CHRNB4: variants seen among roughly 807,000 people sequenced by gnomAD.
The protein encoded by CHRNB4 is cholinergic receptor nicotinic beta 4 subunit, also known as neuronal acetylcholine receptor subunit beta-4.
In CHRNB4, 23 loss-of-function variants were observed where a neutral mutation model predicts 40.4. The observed-to-expected ratio is 0.57, with a 90% CI of 0.41 to 0.81. The LOEUF (loss-of-function observed/expected upper bound fraction) is 0.81. CHRNB4 is among the 30% of genes least tolerant of loss of function. CHRNB4 has a pLI of 0.00. For synonymous variants in CHRNB4, 285 were observed against 274.4 expected (o/e 1.04, Z -0.38); for missense variants, 568 against 670.6 (o/e 0.85, Z 1.69).
At chr15:78,641,335 C>T (rs548094528), upstream of CHRNB4, 64 of 491,744 alleles carry the variant, frequency 1.3e-4, no homozygotes, top group South Asian at 2.0e-3. Flanking sequence ...CCGACGCCCC[C>T]TGGGTGGTCT....
rs533075094 is a variant in CHRNB4 at position 78,637,826 on chromosome 15, C to G, written c.56-2239G>C. On this transcript the variant is annotated intron_variant, in intron 1 of 5. Transcript: ENST00000261751. ...GCACCTGCTGCCTGCTGCCCCTCCC[C>G]CAGGCTGCCCTGGGCTCTCCAGAGG... Among the ~76,000 whole-genome samples the G allele has an allele frequency of 1.2e-3, 178 of 152,296 alleles. 1 individual carries two copies. Among genetic ancestry groups the G allele is most frequent in the African/African-American group, 4.2e-3 (173 of 41,582 alleles).
exon 3 of CHRNB4, chr15:78,657,371 A>G (rs2054223251): frequency 6.6e-6 from 1 of 152,186 alleles, no homozygotes; most frequent in Non-Finnish European, 1.5e-5. Context: ...CTCCTCCACC[A>G]GCTGCACAAC....
At chr15:78,632,173 CTTTCTTTCTTTCTTTCTTTCTTT>C (rs1567119366) in intron 2 of CHRNB4, among the ~76,000 whole-genome samples, 13 of 7,664 alleles carry the variant, frequency 1.7e-3, no homozygotes, top group African/African-American at 4.1e-3. Context: ...TTTTCTTTCT[CTTTCTTTCTTTCTTTCTTTCTTT>C]CTTTCTTTCT....
intron 1 of CHRNB4, among the ~76,000 whole-genome samples, chr15:78,660,206 T>A (rs199910930): frequency 3.5e-5 from 5 of 143,672 alleles, no homozygotes; most frequent in Admixed American, 6.9e-5. Context: ...GACTCCGTCT[T>A]AAAAAAAAAA....
chr15:78,657,371 A>ACAACACCT (rs2054223277), exon 3 of CHRNB4: 1 of 152,186 alleles, frequency 6.6e-6, no homozygotes, highest in South Asian at 2.1e-4. Context: ...CTCCTCCACC[A>ACAACACCT]GCTGCACAAC....
chr15:78,635,374 C>T, intron 2 of CHRNB4, 65 bp downstream of exon 2: 2 of 1,581,158 alleles, frequency 1.3e-6, no homozygotes, highest in Non-Finnish European at 1.7e-6. Context: ...CCAATGATCG[C>T]CTGGGGCTTG....
At chr15:78,634,596 A>T (rs1596109505) in intron 2 of CHRNB4, 1 of 413,520 alleles carries the variant, frequency 2.4e-6, no homozygotes, top group Non-Finnish European at 4.9e-6. Flanking sequence ...CTAGAGAGAG[A>T]GTCTGGCATT....
chr15:78,628,197 T>G (rs1488123530), intron 5 of CHRNB4: 1 of 152,166 alleles, frequency 6.6e-6, no homozygotes, highest in South Asian at 2.1e-4. Flanking sequence ...AATCTGTAAT[T>G]CTAGTTAGCA....
chr15:78,625,385 C>CGCCTGTGGCCTGTGG, intron 5 of CHRNB4, 94 bp from the exon 6 acceptor site: 1 of 1,220,062 alleles, frequency 8.2e-7, no homozygotes, highest in Non-Finnish European at 1.1e-6. Context: ...AGGGACTCCA[C>CGCCTGTGGCCTGTGG]AGGCCACAGG....
At position 78,631,090 on chromosome 15, in the gene CHRNB4, G is replaced by A. The variant is rs141056480; in HGVS notation, c.345C>T (p.Ile115=). 48 of 1,613,832 alleles carry A rather than the reference G, an allele frequency of 3.0e-5. No individual in the cohort carries two copies. Among genetic ancestry groups the A allele is most frequent in the African/African-American group, 1.7e-4 (13 of 74,938 alleles). ...CTGCCACTCACTTGTTGTAAAGCAC[G>A]ATGTCAGGCAACCAGATGCGCTTTG... ...IPAKRIWLPD[I]VLYNNADGTY... is the part of the protein sequence containing the mutation. Residue 115 remains isoleucine (I), a synonymous_variant, in exon 4 of 6, where the codon ATC becomes ATT. Coordinates refer to ENST00000261751, the MANE Select transcript of CHRNB4 (RefSeq NM_000750.5).
chr15:78,632,299 T>TCG (rs759068205), intron 2 of CHRNB4, among the ~76,000 whole-genome samples: 18 of 146,874 alleles, frequency 1.2e-4, no homozygotes, highest in African/African-American at 3.3e-4. Flanking sequence ...TTCTTTTCTT[T>TCG]CGTGTGTGTG....
intron 5 of CHRNB4, among the ~76,000 whole-genome samples, chr15:78,654,308 GA>G (rs1191545553): frequency 1.3e-5 from 2 of 152,238 alleles, no homozygotes; most frequent in African/African-American, 4.8e-5. Context: ...GATGGGGTCT[GA>G]TTTCCTTCTG....
chr15:78,628,222 A>C (rs2053703117), intron 5 of CHRNB4: 1 of 152,216 alleles, frequency 6.6e-6, no homozygotes, highest in South Asian at 2.1e-4. Flanking sequence ...CGATTAATTC[A>C]TTACCCTGGT....
intron 6 of CHRNB4, among the ~76,000 whole-genome samples, chr15:78,652,326 CAG>C (rs1383350969): frequency 1.3e-5 from 2 of 152,188 alleles, no homozygotes; most frequent in African/African-American, 2.4e-5. Context: ...CTTTATAGAT[CAG>C]AGTCATAGGT....
intron 2 of CHRNB4, 93 bp downstream of exon 2, chr15:78,635,346 G>A (rs2053925169): frequency 6.7e-7 from 1 of 1,493,760 alleles, no homozygotes; most frequent in South Asian, 1.3e-5. Flanking sequence ...GTCAACTATA[G>A]TAGTTTCATT....
upstream of CHRNB4, among the ~76,000 whole-genome samples, chr15:78,646,058 A>C (rs1327183513): frequency 2.0e-5 from 1 of 50,586 alleles, no homozygotes; most frequent in Non-Finnish European, 4.3e-5. Flanking sequence ...AGACCGTCTC[A>C]AAAAAAAAAA....
chr15:78,629,656 G>A lies in CHRNB4; in HGVS notation c.649C>T (p.Pro217Ser). 6.2e-7 allele frequency: 1 copy of A among 1,614,094 alleles called. No individual in the cohort carries two copies. Among genetic ancestry groups the A allele is most frequent in the East Asian group, 2.2e-5 (1 of 44,862 alleles). ...PGRRTVNPQD[P>S]SYVDVTYDFI... Reference sequence around the variant, plus strand: ...TCGTAAGTCACGTCCACGTAGCTGGGGTCTTGTGGGTTCACTGTCCTTCTC... The same window carrying A: ...TCGTAAGTCACGTCCACGTAGCTGGAGTCTTGTGGGTTCACTGTCCTTCTC... The change falls in exon 5 of 6, where the codon CCC becomes TCC. Residue 217 changes from proline (P) to serine (S), a missense_variant. Physicochemically the swap from Pro to Ser is moderately conservative, Grantham distance 74. Around this residue, in one of 4 missense-constraint regions of CHRNB4, gnomAD observed 127 missense variants for 167.4 expected, o/e 0.76. Coordinates refer to ENST00000261751, the MANE Select transcript of CHRNB4 (RefSeq NM_000750.5). The surrounding 1 kb of genome is among the most constrained non-coding windows in gnomAD (Gnocchi z 6.8).
exon 7 of CHRNB4, chr15:78,649,414 C>T (rs914836898): frequency 1.1e-5 from 5 of 455,240 alleles, no homozygotes; most frequent in African/African-American, 1.0e-4. Flanking sequence ...GGCCAGCAAA[C>T]TACCGCCCAT....
upstream of CHRNB4, chr15:78,641,371 C>T (rs1596119106): frequency 2.2e-6 from 1 of 459,354 alleles, no homozygotes; most frequent in East Asian, 3.8e-5. Flanking sequence ...CCTGGCTTCC[C>T]TATCTCTTCG....
Sources: allele counts gnomAD v4.1 joint callset (sites outside exome capture counted in the v4.1 genomes callset), GRCh38; gene constraint gnomAD v4.1.1; regional missense constraint gnomAD v4.1.1; non-coding constraint Gnocchi (gnomAD v3.1); transcripts MANE v1.5; gene names NCBI Gene and HGNC (gene_info 2026-07-23, HGNC 2026-07-21).